EYS: variants seen among roughly 807,000 people sequenced by gnomAD.
EYS encodes the protein EGF-like photoreceptor maintenance factor, also known as protein eyes shut homolog.
In EYS, 250 loss-of-function variants were observed where a neutral mutation model predicts 282.1. That is an observed-to-expected ratio of 0.89 (90% CI 0.80 to 0.98). EYS has a LOEUF of 0.98. Ranked by LOEUF, EYS falls within the 50% of genes least tolerant of loss-of-function variation. The probability of loss-of-function intolerance (pLI) is 0.00; values close to 1 mark genes in which losing one functional copy is unlikely to be tolerated. For synonymous variants in EYS, 1,355 were observed against 1,282.9 expected, an observed-to-expected ratio of 1.06 and a Z score of -1.20; for missense variants, 4,016 against 3,709.0, an observed-to-expected ratio of 1.08 and a Z score of -2.15.
At chr6:64,600,803 A>T (rs1766739360) in intron 24 of EYS, among the ~76,000 whole-genome samples, 1 of 152,118 alleles carries the variant, frequency 6.6e-6, no homozygotes, top group South Asian at 2.1e-4. Context: ...TTGAAAACAC[A>T]CGTTTATCTA....
chr6:65,495,161 A>G lies in EYS; in HGVS notation c.250T>C (p.Leu84=), dbSNP rs781133474. 6 of 1,613,914 alleles carry G rather than the reference A, an allele frequency of 3.7e-6. No individual in the cohort carries two copies. Among genetic ancestry groups the G allele is most frequent in the Non-Finnish European group, 5.1e-6 (6 of 1,179,920 alleles). Residue 84 remains leucine (L), a synonymous_variant, in exon 4 of 43, where the codon TTA becomes CTA. Transcript: ENST00000503581. ...VPQICPLQIQ[L]GDILVISSEP... Reference sequence around the variant, plus strand: ...GAAGAAATTACAAGGATATCTCCTAATTGAATTTGCAAAGGGCAAATCTGG... The same window carrying G: ...GAAGAAATTACAAGGATATCTCCTAGTTGAATTTGCAAAGGGCAAATCTGG...
intron 15 of EYS, among the ~76,000 whole-genome samples, chr6:64,941,610 T>C (rs992307914): frequency 6.6e-6 from 1 of 152,036 alleles, no homozygotes; most frequent in Non-Finnish European, 1.5e-5. Context: ...ACTTACCTCC[T>C]TCCCTTCCCA....
chr6:65,571,612 T>A (rs2127352894), intron 2 of EYS, among the ~76,000 whole-genome samples: 1 of 152,144 alleles, frequency 6.6e-6, no homozygotes, highest in South Asian at 2.1e-4. Context: ...ATAGCCATAG[T>A]CCCGGGTAAC....
At chr6:64,165,890 T>C (rs141612758) in intron 31 of EYS, among the ~76,000 whole-genome samples, 342 of 152,306 alleles carry the variant, frequency 2.2e-3, no homozygotes, top group Non-Finnish European at 3.8e-3. Context: ...TGCCCAATTC[T>C]GAAAGTAGGA....
intron 18 of EYS, among the ~76,000 whole-genome samples, chr6:64,887,701 A>G (rs965792173): frequency 2.0e-5 from 3 of 152,032 alleles, no homozygotes; most frequent in African/African-American, 4.8e-5. Context: ...ACCTACATTA[A>G]TTAATTGAGC....
intron 35 of EYS, among the ~76,000 whole-genome samples, chr6:63,983,541 CT>C (rs1562131751): frequency 6.6e-6 from 1 of 151,614 alleles, no homozygotes; most frequent in African/African-American, 2.4e-5. Flanking sequence ...CTTTTCTACA[CT>C]GTGTATAGAG....
At position 64,023,701 on chromosome 6, in the gene EYS, C is replaced by T. The variant is rs372335579; in HGVS notation, c.6726-24518G>A. On this transcript the variant is annotated intron_variant, in intron 33 of 42. Coordinates refer to ENST00000503581, the MANE Select transcript of EYS (RefSeq NM_001142800.2). ...GCACTTGGGGAGGCCTTCAGCCTGC[C>T]GCTGCACTGTGGGAGCCCCTTTCTG... Among the ~76,000 whole-genome samples, 15 of 152,358 alleles carry T rather than the reference C, an allele frequency of 9.8e-5. No individual in the cohort carries two copies. The East Asian group carries it at 1.2e-3, about 12-fold the overall frequency.
intron 13 of EYS, among the ~76,000 whole-genome samples, chr6:65,011,000 C>T (rs1266845336): frequency 6.6e-6 from 1 of 152,172 alleles, no homozygotes; most frequent in Non-Finnish European, 1.5e-5. Flanking sequence ...GCAGGACCCT[C>T]CATTAGAAAT....
At chr6:63,860,587 A>G (rs544799318) in intron 36 of EYS, among the ~76,000 whole-genome samples, 1 of 152,324 alleles carries the variant, frequency 6.6e-6, no homozygotes, top group South Asian at 2.1e-4. Context: ...GCCCACAGTG[A>G]TGTTCAATGC....
intron 29 of EYS, among the ~76,000 whole-genome samples, chr6:64,317,905 A>G (rs1332089279): frequency 6.6e-6 from 1 of 152,138 alleles, no homozygotes; most frequent in East Asian, 1.9e-4. Context: ...GGAAACTATC[A>G]TTCTCAGCAA....
intron 13 of EYS, among the ~76,000 whole-genome samples, chr6:65,035,130 G>A (rs1165497360): frequency 6.6e-6 from 1 of 152,000 alleles, no homozygotes; most frequent in Non-Finnish European, 1.5e-5. Context: ...CATCTCAATA[G>A]ATACAGAAAA....
At chr6:64,739,157 T>C (rs1417972477) in intron 22 of EYS, among the ~76,000 whole-genome samples, 7 of 152,228 alleles carry the variant, frequency 4.6e-5, no homozygotes. Context: ...TTTTTCATCA[T>C]ACAAGGTAGA....
intron 9 of EYS, 73 bp downstream of exon 9, chr6:65,353,385 A>G: frequency 7.7e-7 from 1 of 1,300,966 alleles, no homozygotes; most frequent in Non-Finnish European, 1.1e-6. Context: ...TTGTGTGTTT[A>G]GAAAATGAAT....
At chr6:65,368,407 G>A (rs796278299) in intron 8 of EYS, among the ~76,000 whole-genome samples, 14 of 151,656 alleles carry the variant, frequency 9.2e-5, no homozygotes, top group African/African-American at 2.7e-4. Context: ...CTTCTCAGTT[G>A]AACACATCTG....
intron 15 of EYS, among the ~76,000 whole-genome samples, chr6:64,937,094 G>T (rs1056099092): frequency 1.3e-5 from 2 of 151,378 alleles, no homozygotes; most frequent in African/African-American, 4.8e-5. Context: ...ATATTCATGT[G>T]TAGAAGAATG....
intron 35 of EYS, among the ~76,000 whole-genome samples, chr6:63,925,006 A>T (rs543309743): frequency 3.9e-4 from 60 of 152,316 alleles, no homozygotes; most frequent in African/African-American, 1.4e-3. Context: ...AAGCTCGTTC[A>T]TATGTATAGT....
intron 41 of EYS, chr6:63,741,788 A>G (rs775475901): frequency 2.0e-5 from 12 of 607,852 alleles, no homozygotes; most frequent in Non-Finnish European, 3.7e-5. Flanking sequence ...CAAACTGTCA[A>G]CATTTCACCT....
chr6:65,521,001 T>TCA (rs1446687884), intron 2 of EYS, among the ~76,000 whole-genome samples: 1 of 152,130 alleles, frequency 6.6e-6, no homozygotes, highest in Non-Finnish European at 1.5e-5. Flanking sequence ...TGGACTAGGC[T>TCA]CACATGTTCC....
chr6:64,059,539 T>C (rs190555037), intron 33 of EYS, among the ~76,000 whole-genome samples: 1 of 152,294 alleles, frequency 6.6e-6, no homozygotes, highest in East Asian at 1.9e-4. Context: ...TATTTATTTT[T>C]GAATCAATAA....
Sources: allele counts gnomAD v4.1 joint callset (sites outside exome capture counted in the v4.1 genomes callset), GRCh38; gene constraint gnomAD v4.1.1; transcripts MANE v1.5; gene names NCBI Gene and HGNC (gene_info 2026-07-23, HGNC 2026-07-21).